The following GALNT7 variants were observed in gnomAD, a reference collection of about 807,000 sequenced individuals.
GALNT7 encodes polypeptide N-acetylgalactosaminyltransferase 7, also known as N-acetylgalactosaminyltransferase 7.
A neutral mutation model predicts 82.1 loss-of-function variants in GALNT7; 60 were observed. The observed-to-expected ratio is 0.73, with a 90% CI of 0.59 to 0.91. GALNT7 has a LOEUF of 0.91. Among genes scored for constraint, GALNT7 ranks in the 40% least tolerant of loss-of-function variants. GALNT7 has a pLI of 0.00. For missense variants in GALNT7, 660 were observed against 804.2 expected, an observed-to-expected ratio of 0.82 and a Z score of 2.17; for synonymous variants, 243 against 275.1, an observed-to-expected ratio of 0.88 and a Z score of 1.15.
At chr4:173,203,313 G>A (rs995020488) in intron 1 of GALNT7, among the ~76,000 whole-genome samples, 1 of 152,094 alleles carries the variant, frequency 6.6e-6, no homozygotes, top group South Asian at 2.1e-4. Context: ...GAATGGTCTC[G>A]ATCTCCTGAC....
intron 1 of GALNT7, among the ~76,000 whole-genome samples, chr4:173,234,819 CA>C (rs930440154): frequency 2.7e-5 from 4 of 150,892 alleles, no homozygotes; most frequent in Admixed American, 6.6e-5. Context: ...CAAAAGAAAA[CA>C]AAAAAAAACT....
chr4:173,169,122 C>G, intron 1 of GALNT7, 161 bp downstream of exon 1: 3 of 423,330 alleles, frequency 7.1e-6, no homozygotes. Flanking sequence ...TGCCGAGCCC[C>G]GCGCACTCCG....
In GALNT7 at chr4:173,298,224, AG is replaced by A; in HGVS notation, c.1076del (p.Ser359IlefsTer9). On this transcript the variant is annotated frameshift_variant, in exon 6 of 12. Transcript: ENST00000265000. LOFTEE classifies it high-confidence loss of function. ...DGYARGAWDWSMLWKRVPLTP... is the reference protein window; with the variant it reads ...DGYARGAWDWXMLWKRVPLTP... ...GTATGCCCGAGGAGCATGGGATTGG[AG>A]TATGCTCTGGAAACGGGTGCCTCTG... 6.2e-7 allele frequency: 1 copy of A among 1,612,710 alleles called. No individual in the cohort carries two copies. Among genetic ancestry groups the A allele is most frequent in the South Asian group, 1.1e-5 (1 of 90,846 alleles).
chr4:173,296,704 C>G lies in GALNT7; in HGVS notation c.965+861C>G, dbSNP rs1045494490. Among the ~76,000 whole-genome samples the G allele has an allele frequency of 4.6e-5, 7 of 152,226 alleles. No homozygotes were observed. In the Middle Eastern group the frequency reaches 0.014, roughly 296 times the overall value. ...CTCCCTGGGAAAGTTTACACTGCACCATGTATTTAGGAATGTGAAAATCAT... is the reference window on the plus strand; with the variant it reads ...CTCCCTGGGAAAGTTTACACTGCACGATGTATTTAGGAATGTGAAAATCAT... On this transcript the variant is annotated intron_variant, in intron 5 of 11. Transcript: ENST00000265000.
intron 2 of GALNT7, 30 bp downstream of exon 2, chr4:173,248,470 T>G: frequency 7.4e-7 from 1 of 1,356,286 alleles, no homozygotes. Context: ...TTTCTAAAAA[T>G]GGGGCAACTG....
intron 2 of GALNT7, among the ~76,000 whole-genome samples, chr4:173,277,450 C>T (rs1193665581): frequency 6.6e-6 from 1 of 152,146 alleles, no homozygotes; most frequent in Non-Finnish European, 1.5e-5. Flanking sequence ...CTAGTAGAAA[C>T]CAACAAGAGT....
intron 2 of GALNT7, among the ~76,000 whole-genome samples, chr4:173,291,160 C>T (rs1451080400): frequency 6.6e-6 from 1 of 152,182 alleles, no homozygotes; most frequent in African/African-American, 2.4e-5. Flanking sequence ...CTGTCTTTCT[C>T]ACCCAGTTCT....
intron 1 of GALNT7, among the ~76,000 whole-genome samples, chr4:173,228,754 G>C (rs926423617): frequency 1.3e-5 from 2 of 152,094 alleles, no homozygotes; most frequent in African/African-American, 4.8e-5. Flanking sequence ...AGATCTTTGT[G>C]ACCCTAAAAA....
chr4:173,213,860 T>A (rs1733358758), intron 1 of GALNT7, among the ~76,000 whole-genome samples: 1 of 152,166 alleles, frequency 6.6e-6, no homozygotes, highest in South Asian at 2.1e-4. Context: ...CTCATCTTTC[T>A]CCTTGATTAA....
intron 1 of GALNT7, among the ~76,000 whole-genome samples, chr4:173,192,418 C>T (rs1291569013): frequency 6.6e-6 from 1 of 152,100 alleles, no homozygotes; most frequent in African/African-American, 2.4e-5. Flanking sequence ...AACTGAAAGC[C>T]GTCTCATCCC....
intron 2 of GALNT7, among the ~76,000 whole-genome samples, chr4:173,278,154 A>G (rs1402223113): frequency 6.6e-6 from 1 of 152,252 alleles, no homozygotes; most frequent in African/African-American, 2.4e-5. Flanking sequence ...AGGTACCAGC[A>G]TGGGGCTATG....
rs985384692 is a variant in GALNT7 at position 173,321,487 on chromosome 4, A to G, written c.1837-93A>G. 16 of 856,492 alleles carry G rather than the reference A, an allele frequency of 1.9e-5. No homozygotes were observed. The Admixed American group carries it at 3.3e-4, about 18-fold the overall frequency. The allele number at this position is 856,492 out of a possible 1,614,324, so 53.1% of individuals were successfully genotyped here. A position where few individuals can be genotyped will look rare whatever the true frequency, so the allele number is the denominator to read the frequency against. ...GGTTGAGAAGCTTTTCCATTTCCTT[A>G]AACTGTCTCCTCATGAAAGTCAAGT... On this transcript the variant is annotated intron_variant, in intron 11 of 11. Transcript: ENST00000265000.
At chr4:173,246,836 A>G (rs981697887) in intron 1 of GALNT7, among the ~76,000 whole-genome samples, 31 of 151,972 alleles carry the variant, frequency 2.0e-4, no homozygotes, top group African/African-American at 7.0e-4. Flanking sequence ...TTCTATGACT[A>G]CTCTGTTGGG....
chr4:173,189,263 T>C (rs964670129), intron 1 of GALNT7, among the ~76,000 whole-genome samples: 5 of 152,240 alleles, frequency 3.3e-5, no homozygotes, highest in African/African-American at 9.6e-5. Flanking sequence ...CAACCCCTGC[T>C]TGGCAGTCAC....
chr4:173,223,857 T>C (rs1733715984), intron 1 of GALNT7, among the ~76,000 whole-genome samples: 1 of 152,210 alleles, frequency 6.6e-6, no homozygotes, highest in African/African-American at 2.4e-5. Flanking sequence ...TGGCTTGATT[T>C]GAGTTTAGGT....
At chr4:173,321,496 C>T in intron 11 of GALNT7, 84 bp from the exon 12 acceptor site, 3 of 929,992 alleles carry the variant, frequency 3.2e-6, no homozygotes, top group Admixed American at 1.9e-5. Flanking sequence ...TAAACTGTCT[C>T]CTCATGAAAG....
chr4:173,278,889 C>T (rs1276553642), intron 2 of GALNT7, among the ~76,000 whole-genome samples: 1 of 152,216 alleles, frequency 6.6e-6, no homozygotes, highest in Non-Finnish European at 1.5e-5. Flanking sequence ...CTATAAATTT[C>T]TTTCGAAGCT....
intron 2 of GALNT7, among the ~76,000 whole-genome samples, chr4:173,291,109 G>A (rs528636087): frequency 1.3e-4 from 19 of 151,954 alleles, no homozygotes; most frequent in Admixed American, 9.8e-4. Flanking sequence ...CATGTTTTAC[G>A]TATTTTCACC....
chr4:173,276,398 C>G (rs1420766693), intron 2 of GALNT7, among the ~76,000 whole-genome samples: 1 of 152,048 alleles, frequency 6.6e-6, no homozygotes, highest in African/African-American at 2.4e-5. Flanking sequence ...AAAAAGGTAA[C>G]TAGGTTATCT....
Sources: gnomAD v4.1 joint callset for allele counts (sites outside exome capture counted in the v4.1 genomes callset) on GRCh38, gnomAD v4.1.1 for gene constraint, MANE v1.5 for transcripts, NCBI Gene and HGNC (gene_info 2026-07-23, HGNC 2026-07-21) for gene names.